Variants in SETBP1 observed in about 807,000 individuals in gnomAD.
The protein encoded by SETBP1 is SET-binding protein.
In SETBP1, 9 loss-of-function variants were observed where a neutral mutation model predicts 101.0. The observed-to-expected ratio is 0.09, with a 90% CI of 0.05 to 0.16. The LOEUF (loss-of-function observed/expected upper bound fraction) is 0.16. SETBP1 is among the 10% of genes least tolerant of loss of function. The probability of loss-of-function intolerance (pLI) is 1.00; values close to 1 mark genes in which losing one functional copy is unlikely to be tolerated. For synonymous variants in SETBP1, 818 were observed against 788.5 expected (o/e 1.04, Z -0.63); for missense variants, 1,858 against 2,033.8 (o/e 0.91, Z 1.66).
intron 3 of SETBP1, among the ~76,000 whole-genome samples, chr18:44,894,619 G>A (rs1476254220): frequency 1.3e-5 from 2 of 152,002 alleles, no homozygotes; most frequent in Admixed American, 6.5e-5. Context: ...AATATGATAT[G>A]TTGTAGACTG....
intron 4 of SETBP1, among the ~76,000 whole-genome samples, chr18:44,993,497 TA>T (rs1428701764): frequency 3.3e-5 from 5 of 152,042 alleles, no homozygotes; most frequent in Non-Finnish European, 7.4e-5. Context: ...TTTTTCTACT[TA>T]TTGCTGATGT....
intron 4 of SETBP1, chr18:44,988,740 C>T (rs2072292947): frequency 6.6e-6 from 1 of 152,018 alleles, no homozygotes; most frequent in Non-Finnish European, 1.5e-5. Context: ...TTTTATAAGG[C>T]AAAACCCTCA....
Position 45,003,900 on chromosome 18 carries a change from C to T in SETBP1, c.4001-34585C>T, listed in dbSNP as rs112149911. ...CCTTTCGTAAGATAGTATCCCACTA[C>T]GCCAGTGATTCTTGCCTGGGTTTAT... On this transcript the variant is annotated intron_variant, in intron 4 of 5. Transcript: ENST00000649279. 5.5e-3 allele frequency among the ~76,000 whole-genome samples: 843 copies of T among 152,210 alleles called. 11 individuals are homozygous for T. Among genetic ancestry groups the T allele is most frequent in the African/African-American group, 0.019 (777 of 41,518 alleles).
intron 4 of SETBP1, among the ~76,000 whole-genome samples, chr18:45,022,323 A>C (rs1176594043): frequency 6.6e-6 from 1 of 152,128 alleles, no homozygotes; most frequent in African/African-American, 2.4e-5. Flanking sequence ...TTCCCCAAAC[A>C]TGCGGTACTG....
At chr18:44,979,167 C>T (rs1293414217) in intron 4 of SETBP1, among the ~76,000 whole-genome samples, 1 of 152,206 alleles carries the variant, frequency 6.6e-6, no homozygotes, top group Non-Finnish European at 1.5e-5. Flanking sequence ...AGGACTTCTA[C>T]GGGCTTTTTG....
chr18:44,963,055 A>G (rs1211366351), intron 4 of SETBP1, among the ~76,000 whole-genome samples: 1 of 152,200 alleles, frequency 6.6e-6, no homozygotes, highest in Non-Finnish European at 1.5e-5. Context: ...TCGACAGCCA[A>G]GGAAATCAAA....
chr18:45,044,406 C>T (rs954585602), intron 5 of SETBP1, among the ~76,000 whole-genome samples: 9 of 152,336 alleles, frequency 5.9e-5, no homozygotes, highest in African/African-American at 2.2e-4. Flanking sequence ...CTGAATATGG[C>T]ACGTGCATGA....
intron 2 of SETBP1, among the ~76,000 whole-genome samples, chr18:44,792,303 A>T (rs915122089): frequency 1.3e-5 from 2 of 152,156 alleles, no homozygotes; most frequent in African/African-American, 4.8e-5. Context: ...TGTTTATGTG[A>T]GAGAGAAGAT....
chr18:44,804,920 C>T (rs955667071), intron 2 of SETBP1, among the ~76,000 whole-genome samples: 1 of 152,102 alleles, frequency 6.6e-6, no homozygotes. Flanking sequence ...GGCCATGTCA[C>T]CTATCAGTCT....
chr18:44,711,254 C>CCTCCCTCCCTCT (rs1268340813), intron 2 of SETBP1, among the ~76,000 whole-genome samples: 1 of 136,130 alleles, frequency 7.3e-6, no homozygotes, highest in Non-Finnish European at 1.6e-5. Flanking sequence ...ACTCCTCCCG[C>CCTCCCTCCCTCT]CTCCCTCCCT....
At chr18:44,791,720 CGAGAGA>C (rs111572062) in intron 2 of SETBP1, among the ~76,000 whole-genome samples, 5 of 147,526 alleles carry the variant, frequency 3.4e-5, no homozygotes, top group Non-Finnish European at 7.5e-5. Context: ...CCTGTGGGGG[CGAGAGA>C]GAGAGAGAGA....
chr18:44,775,228 A>G (rs961189941), intron 2 of SETBP1, among the ~76,000 whole-genome samples: 2 of 152,288 alleles, frequency 1.3e-5, no homozygotes, highest in African/African-American at 4.8e-5. Context: ...GCTCTGGGCA[A>G]GGTCCTACAC....
At chr18:44,684,845 C>G (rs1288818416) in intron 1 of SETBP1, among the ~76,000 whole-genome samples, 1 of 152,080 alleles carries the variant, frequency 6.6e-6, no homozygotes, top group Non-Finnish European at 1.5e-5. Context: ...CGGGGTTTCA[C>G]CATGTTGGCC....
intron 2 of SETBP1, among the ~76,000 whole-genome samples, chr18:44,726,979 G>A (rs1179736625): frequency 6.6e-6 from 1 of 152,140 alleles, no homozygotes; most frequent in Admixed American, 6.5e-5. Context: ...AAAGTTTAAA[G>A]CATTATCCAA....
intron 2 of SETBP1, among the ~76,000 whole-genome samples, chr18:44,782,745 C>G (rs928478403): frequency 2.6e-5 from 4 of 152,050 alleles, no homozygotes; most frequent in Non-Finnish European, 4.4e-5. Flanking sequence ...ATGTCTAGGT[C>G]AGTCTGGAAC....
chr18:44,721,580 C>G (rs991250297), intron 2 of SETBP1, among the ~76,000 whole-genome samples: 1 of 135,654 alleles, frequency 7.4e-6, no homozygotes, highest in Non-Finnish European at 1.5e-5. Context: ...TTTTCTACCC[C>G]TTTCTCCAAA....
chr18:44,699,191 T>C (rs930716234), intron 1 of SETBP1, among the ~76,000 whole-genome samples: 3 of 152,162 alleles, frequency 2.0e-5, no homozygotes, highest in Non-Finnish European at 4.4e-5. Flanking sequence ...AGGTAGGTAT[T>C]AGAGAATTAA....
At chr18:45,016,722 T>C (rs2072949229) in intron 4 of SETBP1, among the ~76,000 whole-genome samples, 1 of 145,274 alleles carries the variant, frequency 6.9e-6, no homozygotes, top group African/African-American at 2.6e-5. Context: ...ATTATACACA[T>C]TGGTGCGCGC....
intron 3 of SETBP1, among the ~76,000 whole-genome samples, chr18:44,901,182 T>C (rs987417689): frequency 6.6e-6 from 1 of 152,196 alleles, no homozygotes; most frequent in Non-Finnish European, 1.5e-5. Context: ...TGATGGGTTC[T>C]CTTCTTTCTA....
Sources: allele counts gnomAD v4.1 joint callset (sites outside exome capture counted in the v4.1 genomes callset), GRCh38; gene constraint gnomAD v4.1.1; transcripts MANE v1.5; gene names NCBI Gene and HGNC (gene_info 2026-07-23, HGNC 2026-07-21).